The following PIEZO2 variants were observed in gnomAD, a reference collection of about 807,000 sequenced individuals.
The protein encoded by PIEZO2 is piezo-type mechanosensitive ion channel component 2.
Under a neutral mutation model 337.3 loss-of-function variants are expected in PIEZO2, and 172 were observed. The ratio of observed to expected loss-of-function variants is 0.51; its 90% confidence interval spans 0.45 to 0.58. The LOEUF is 0.58. PIEZO2 is among the 20% of genes least tolerant of loss of function. The probability of loss-of-function intolerance (pLI) is 0.00; values close to 1 mark genes in which losing one functional copy is unlikely to be tolerated. For synonymous variants in PIEZO2, 1,251 were observed against 1,228.5 expected, an observed-to-expected ratio of 1.02 and a Z score of -0.38; for missense variants, 3,028 against 3,391.3, an observed-to-expected ratio of 0.89 and a Z score of 2.66.
At chr18:10,686,097 C>T (rs1423799418) in intron 49 of PIEZO2, among the ~76,000 whole-genome samples, 2 of 152,180 alleles carry the variant, frequency 1.3e-5, no homozygotes, top group South Asian at 2.1e-4. Context: ...TCTGGGCTTG[C>T]TTCTCTTTTG....
chr18:10,683,016 T>A (rs890675170), intron 49 of PIEZO2, among the ~76,000 whole-genome samples: 4 of 152,210 alleles, frequency 2.6e-5, no homozygotes, highest in Non-Finnish European at 4.4e-5. Context: ...AGCTGTGCTG[T>A]CTGGCATTGA....
At chr18:10,960,452 C>T (rs770357689) in intron 3 of PIEZO2, among the ~76,000 whole-genome samples, 7 of 151,848 alleles carry the variant, frequency 4.6e-5, no homozygotes, top group Non-Finnish European at 1.0e-4. Flanking sequence ...AGTGAGATAC[C>T]CAATCCCCTC....
Position 11,131,975 on chromosome 18 carries a change from C to A in PIEZO2, c.64+16550G>T, listed in dbSNP as rs1292899934. On this transcript the variant is annotated intron_variant, in intron 1 of 55. Transcript: ENST00000674853. The surrounding 1 kb of genome is among the most constrained non-coding windows in gnomAD (Gnocchi z 5.3). ...CTCAGTAACAAGGACTTCCATTGACCAAGGCTGACCTGGCTGCAGCCGCTG... is the reference window on the plus strand; with the variant it reads ...CTCAGTAACAAGGACTTCCATTGACAAAGGCTGACCTGGCTGCAGCCGCTG... Among the ~76,000 whole-genome samples, 2 of 152,168 alleles carry A rather than the reference C, an allele frequency of 1.3e-5. No homozygotes were observed. Among genetic ancestry groups the A allele is most frequent in the Admixed American group, 1.3e-4 (2 of 15,286 alleles).
intron 3 of PIEZO2, among the ~76,000 whole-genome samples, chr18:10,965,407 G>T (rs1447501646): frequency 6.6e-6 from 1 of 152,096 alleles, no homozygotes. Flanking sequence ...AATGATGTAG[G>T]GCATTTTTAA....
intron 54 of PIEZO2, among the ~76,000 whole-genome samples, chr18:10,674,185 G>T (rs1390120916): frequency 2.0e-5 from 3 of 152,218 alleles, no homozygotes; most frequent in African/African-American, 7.2e-5. Flanking sequence ...GGAACAGGAA[G>T]AATGTTGGTT....
intron 27 of PIEZO2, among the ~76,000 whole-genome samples, chr18:10,753,176 T>C (rs566358143): frequency 6.6e-6 from 1 of 152,344 alleles, no homozygotes; most frequent in Non-Finnish European, 1.5e-5. Context: ...TCTGTTTCTA[T>C]GGGAGGCATG....
intron 3 of PIEZO2, among the ~76,000 whole-genome samples, chr18:10,946,576 T>C (rs766897346): frequency 1.5e-4 from 23 of 152,154 alleles, no homozygotes; most frequent in Non-Finnish European, 2.8e-4. Context: ...ACTAAGACAG[T>C]GTCATCAGGG....
chr18:10,979,415 A>G lies in PIEZO2; in HGVS notation c.286+120T>C, dbSNP rs568952697. 1 of 1,159,114 alleles carries G rather than the reference A, an allele frequency of 8.6e-7. No homozygotes were observed. Among genetic ancestry groups the G allele is most frequent in the East Asian group, 2.8e-5 (1 of 36,272 alleles). The allele number at this position is 1,159,114 out of a possible 1,614,324, so 71.8% of individuals were successfully genotyped here. ...GCATTGCCAAAGACCAAAAATTTCC[A>G]TGAATTTTATAATTTAATTATTGCA... is the stretch of plus-strand genomic sequence containing the variant. On this transcript the variant is annotated intron_variant, in intron 3 of 55. Transcript: ENST00000674853. The surrounding 1 kb of genome is among the most constrained non-coding windows in gnomAD (Gnocchi z 4.0).
chr18:10,697,645 G>A, intron 45 of PIEZO2, 103 bp downstream of exon 45: 1 of 1,434,448 alleles, frequency 7.0e-7, no homozygotes, highest in Non-Finnish European at 9.4e-7. Context: ...TAACATTTGT[G>A]ACACGAGAAG....
chr18:10,951,675 C>G (rs528511379), intron 3 of PIEZO2, among the ~76,000 whole-genome samples: 5 of 152,176 alleles, frequency 3.3e-5, no homozygotes, highest in Admixed American at 2.0e-4. Flanking sequence ...GAACTTTAAT[C>G]ATTCTTTTGG....
intron 2 of PIEZO2, among the ~76,000 whole-genome samples, chr18:11,065,374 A>G (rs2038114323): frequency 6.6e-6 from 1 of 152,248 alleles, no homozygotes; most frequent in South Asian, 2.1e-4. Flanking sequence ...TACTTCTCAT[A>G]ACGGTAGAGT....
chr18:10,940,931 A>C lies in PIEZO2; in HGVS notation c.287-29703T>G, dbSNP rs114515075. The stretch of plus-strand genomic sequence containing the variant: ...CATTACTATAGCAAGGTTATAGAGA[A>C]AATATATATGGCTCTGCATTTCTTC... On this transcript the variant is annotated intron_variant, in intron 3 of 55. Transcript: ENST00000674853. This position sits in a 1 kb window ranked among gnomAD's most constrained non-coding sequence, Gnocchi z 5.3. Among the ~76,000 whole-genome samples the C allele has an allele frequency of 0.023, 3,549 of 152,332 alleles. 158 individuals are homozygous for C. The highest frequency in any genetic ancestry group is 0.08 in the African/African-American group (3,309 of 41,576).
intron 1 of PIEZO2, among the ~76,000 whole-genome samples, chr18:11,085,488 T>C (rs1278010690): frequency 6.6e-6 from 1 of 152,126 alleles, no homozygotes; most frequent in African/African-American, 2.4e-5. Flanking sequence ...AAAATGCAGC[T>C]CCAAGCCCAT....
intron 2 of PIEZO2, among the ~76,000 whole-genome samples, chr18:11,057,183 G>A (rs879328292): frequency 6.6e-6 from 1 of 152,056 alleles, no homozygotes; most frequent in African/African-American, 2.4e-5. Flanking sequence ...CTCTGTTCAT[G>A]CTGCCCCTTT....
Position 11,009,960 on chromosome 18 carries a change from G to A in PIEZO2, c.161-30300C>T, listed in dbSNP as rs186100774. On this transcript the variant is annotated intron_variant, in intron 2 of 55. Coordinates refer to ENST00000674853, the MANE Select transcript of PIEZO2 (RefSeq NM_001378183.1). This position sits in a 1 kb window ranked among gnomAD's most constrained non-coding sequence, Gnocchi z 4.6. ...ATCTCAAATATCCAGCCTCCAGAAT[G>A]GTGAGATAATAAACGTCTGCTGTTG... is the stretch of plus-strand genomic sequence containing the variant. Among the ~76,000 whole-genome samples the A allele has an allele frequency of 2.1e-3, 327 of 152,228 alleles. 2 individuals carry two copies. Among genetic ancestry groups the A allele is most frequent in the African/African-American group, 7.6e-3 (317 of 41,538 alleles).
At chr18:10,921,689 C>G (rs536287459) in intron 3 of PIEZO2, among the ~76,000 whole-genome samples, 2 of 152,272 alleles carry the variant, frequency 1.3e-5, no homozygotes, top group South Asian at 4.1e-4. Context: ...ACCTTAAACT[C>G]TGACCGCTGG....
At chr18:11,019,243 G>A (rs974077026) in intron 2 of PIEZO2, among the ~76,000 whole-genome samples, 2 of 152,200 alleles carry the variant, frequency 1.3e-5, no homozygotes, top group Admixed American at 1.3e-4. Context: ...ATGGGAACCA[G>A]AGAGATCTTT....
chr18:10,936,106 G>C (rs2032375952), intron 3 of PIEZO2, among the ~76,000 whole-genome samples: 1 of 152,160 alleles, frequency 6.6e-6, no homozygotes, highest in Non-Finnish European at 1.5e-5. Context: ...GAGAAGCAAT[G>C]GTTTGTGGAG....
intron 11 of PIEZO2, among the ~76,000 whole-genome samples, chr18:10,797,815 G>A (rs2039665824): frequency 1.3e-5 from 2 of 152,228 alleles, no homozygotes; most frequent in East Asian, 1.9e-4. Context: ...TGTTCATGCT[G>A]TTGTGTGGGC....
Sources: gnomAD v4.1 joint callset for allele counts (sites outside exome capture counted in the v4.1 genomes callset) on GRCh38, gnomAD v4.1.1 for gene constraint, Gnocchi (gnomAD v3.1) non-coding constraint, MANE v1.5 for transcripts, NCBI Gene and HGNC (gene_info 2026-07-23, HGNC 2026-07-21) for gene names.